SCNN1G: variants seen among roughly 807,000 people sequenced by gnomAD.
SCNN1G encodes epithelial sodium channel subunit gamma.
A neutral mutation model predicts 64.6 loss-of-function variants in SCNN1G; 27 were observed. The observed-to-expected ratio is 0.42, with a 90% confidence interval of 0.31 to 0.58. The LOEUF (loss-of-function observed/expected upper bound fraction) is 0.58. SCNN1G is among the 20% of genes least tolerant of loss of function. SCNN1G has a pLI of 0.18. For synonymous variants in SCNN1G, 330 were observed against 314.2 expected (o/e 1.05, Z -0.53); for missense variants, 743 against 823.4 (o/e 0.90, Z 1.19).
intron 6 of SCNN1G, among the ~76,000 whole-genome samples, chr16:23,204,589 TA>T (rs1476365163): frequency 2.0e-5 from 3 of 150,154 alleles, no homozygotes; most frequent in Non-Finnish European, 4.4e-5. Flanking sequence ...TATACATACA[TA>T]AAGGATAATG....
In SCNN1G at chr16:23,189,380, C is replaced by A. The variant is rs760847890; in HGVS notation, c.327C>A (p.Thr109=). 2.5e-6 allele frequency: 4 copies of A among 1,613,450 alleles called. No homozygotes were observed. Among genetic ancestry groups the A allele is most frequent in the East Asian group, 2.2e-5 (1 of 44,878 alleles). ...ICNINPYKYS[T]VRHLLADLEQ... is the part of the protein sequence containing the mutation. Reference sequence around the variant, plus strand: ...CTCCCCACCTTGGCAGGTACAGCACCGTTCGCCACCTTCTAGCTGACTTGG... The same window carrying A: ...CTCCCCACCTTGGCAGGTACAGCACAGTTCGCCACCTTCTAGCTGACTTGG... Residue 109 remains threonine, a synonymous_variant, in exon 3 of 13, where the codon ACC becomes ACA. Coordinates refer to ENST00000300061, the MANE Select transcript of SCNN1G (RefSeq NM_001039.4).
chr16:23,188,402 C>T (rs1959649062), intron 2 of SCNN1G, among the ~76,000 whole-genome samples: 1 of 151,946 alleles, frequency 6.6e-6, no homozygotes, highest in African/African-American at 2.4e-5. Flanking sequence ...GTCCCAGCAA[C>T]TTAGGAGGCT....
Position 23,214,787 on chromosome 16 carries a change from T to C in SCNN1G, c.1569T>C (p.Ser523=), listed in dbSNP as rs566254051. 6.2e-7 allele frequency: 1 copy of C among 1,611,542 alleles called. No individual in the cohort carries two copies. Among genetic ancestry groups the C allele is most frequent in the East Asian group, 2.2e-5 (1 of 44,868 alleles). ...QRSIMESPAN[S]IEMLLSNFGG... Reference sequence around the variant, plus strand: ...CCATCATGGAGAGCCCAGCCAACAGTGTGAGTAGAGTGGCTTCCTTCCAGG... The same window carrying C: ...CCATCATGGAGAGCCCAGCCAACAGCGTGAGTAGAGTGGCTTCCTTCCAGG... Residue 523 remains serine (S), a splice_region_variant and synonymous_variant, in exon 12 of 13, where the codon AGT becomes AGC. Coordinates refer to ENST00000300061, the MANE Select transcript of SCNN1G (RefSeq NM_001039.4).
At chr16:23,197,801 A>G (rs1423621386) in intron 6 of SCNN1G, among the ~76,000 whole-genome samples, 1 of 151,608 alleles carries the variant, frequency 6.6e-6, no homozygotes, top group African/African-American at 2.4e-5. Context: ...AATAGCTTGA[A>G]CCCAGGAGGA....
At chr16:23,184,960 A>C (rs1180361338) in intron 1 of SCNN1G, among the ~76,000 whole-genome samples, 2 of 152,134 alleles carry the variant, frequency 1.3e-5, no homozygotes, top group African/African-American at 4.8e-5. Context: ...AAGTCTTGGG[A>C]AGTGGTCATG....
rs1317048237 is a variant in SCNN1G at position 23,192,505 on chromosome 16, G to A, written c.772G>A (p.Val258Met). ...NMSYSAEELL[V>M]TCFFDGVSCD... ...GAGCTATTCTGCTGAGGAGCTGCTG[G>A]TGACCTGCTTCTTTGATGGAGTGTC... is the stretch of plus-strand genomic sequence containing the variant. The change falls in exon 4 of 13, where the codon GTG (valine) becomes ATG (methionine). Residue 258 changes from valine (V) to methionine (M), a missense_variant. Transcript: ENST00000300061. 3.7e-6 allele frequency: 6 copies of A among 1,612,644 alleles called. No homozygotes were observed. The highest frequency in any genetic ancestry group is 5.1e-6 in the Non-Finnish European group (6 of 1,180,010).
chr16:23,198,422 A>T (rs1959832154), intron 6 of SCNN1G, among the ~76,000 whole-genome samples: 1 of 151,988 alleles, frequency 6.6e-6, no homozygotes, highest in Non-Finnish European at 1.5e-5. Flanking sequence ...TCTCTCTTTC[A>T]TAGAATGACT....
At chr16:23,194,351 G>A in intron 5 of SCNN1G, 77 bp downstream of exon 5, 1 of 997,882 alleles carries the variant, frequency 1.0e-6, no homozygotes, top group Non-Finnish European at 1.6e-6. Context: ...TGGGGATGCG[G>A]GAGCCCTCTG....
chr16:23,209,957 C>G (rs990672781), intron 7 of SCNN1G, 109 bp downstream of exon 7: 1 of 783,848 alleles, frequency 1.3e-6, no homozygotes, highest in African/African-American at 1.7e-5. Context: ...GGTGAGGATC[C>G]CTGGGGTTCA....
At chr16:23,194,347 T>C (rs1959761908) in intron 5 of SCNN1G, 73 bp downstream of exon 5, 1 of 1,041,578 alleles carries the variant, frequency 9.6e-7, no homozygotes, top group Non-Finnish European at 1.5e-6. Flanking sequence ...ACAGTGGGGA[T>C]GCGGGAGCCC....
rs1289797173 is a variant in SCNN1G at position 23,186,288 on chromosome 16, A to C, written c.17A>C (p.Lys6Thr). The change falls in exon 2 of 13, where the codon AAG becomes ACG. Residue 6 changes from lysine to threonine, a missense_variant. Coordinates refer to ENST00000300061, the MANE Select transcript of SCNN1G (RefSeq NM_001039.4). MAPGEKIKAKIKKNLP... is the reference protein window; with the variant it reads MAPGETIKAKIKKNLP... ...ATCCTCGCCATGGCACCCGGAGAGAAGATCAAAGCCAAAATCAAGAAGAAT... is the reference window on the plus strand; with the variant it reads ...ATCCTCGCCATGGCACCCGGAGAGACGATCAAAGCCAAAATCAAGAAGAAT... 5 of 1,614,078 alleles carry C rather than the reference A, an allele frequency of 3.1e-6. No individual in the cohort carries two copies. The highest frequency in any genetic ancestry group is 1.3e-5 in the African/African-American group (1 of 74,924).
At chr16:23,200,736 A>G (rs774962388) in intron 6 of SCNN1G, among the ~76,000 whole-genome samples, 3 of 152,236 alleles carry the variant, frequency 2.0e-5, no homozygotes, top group African/African-American at 7.2e-5. Flanking sequence ...ATGAGTGCAT[A>G]TTATGACACG....
chr16:23,185,633 A>G (rs1290147473), intron 1 of SCNN1G, among the ~76,000 whole-genome samples: 1 of 152,228 alleles, frequency 6.6e-6, no homozygotes, highest in African/African-American at 2.4e-5. Flanking sequence ...GAAACAAAAG[A>G]GAAATCGTTT....
chr16:23,212,274 C>T, intron 8 of SCNN1G, 123 bp downstream of exon 8: 1 of 743,598 alleles, frequency 1.3e-6, no homozygotes, highest in Middle Eastern at 3.5e-4. Flanking sequence ...TGGTTGAGAG[C>T]CATTAACTAG....
chr16:23,198,285 C>G lies in SCNN1G; in HGVS notation c.1077+858C>G, dbSNP rs565252827. Among the ~76,000 whole-genome samples the G allele has an allele frequency of 2.0e-5, 3 of 152,284 alleles. No individual in the cohort carries two copies. The East Asian group carries it at 5.8e-4, about 29-fold the overall frequency. On this transcript the variant is annotated intron_variant, in intron 6 of 12. Coordinates refer to ENST00000300061, the MANE Select transcript of SCNN1G (RefSeq NM_001039.4). ...GACTCCAATCCCCGAGTCAGCCTTGCCCAATGGGAGCTGAATGGCAAGATG... is the reference window on the plus strand; with the variant it reads ...GACTCCAATCCCCGAGTCAGCCTTGGCCAATGGGAGCTGAATGGCAAGATG...
chr16:23,188,501 G>C (rs1959650810), intron 2 of SCNN1G, among the ~76,000 whole-genome samples: 1 of 152,156 alleles, frequency 6.6e-6, no homozygotes, highest in Non-Finnish European at 1.5e-5. Flanking sequence ...AACAGAGTGA[G>C]ACCCTGTCTC....
chr16:23,187,495 C>A (rs761846682), intron 2 of SCNN1G, among the ~76,000 whole-genome samples: 1 of 152,130 alleles, frequency 6.6e-6, no homozygotes, highest in East Asian at 1.9e-4. Context: ...AGGCCTGGAA[C>A]GAACTAACCC....
chr16:23,190,824 T>C (rs1486800381), intron 3 of SCNN1G, among the ~76,000 whole-genome samples: 1 of 147,636 alleles, frequency 6.8e-6, no homozygotes, highest in East Asian at 2.0e-4. Context: ...TGGTCCCATT[T>C]GAGGGGATTT....
intron 6 of SCNN1G, among the ~76,000 whole-genome samples, chr16:23,207,694 T>G (rs1320748897): frequency 6.6e-6 from 1 of 152,170 alleles, no homozygotes; most frequent in Non-Finnish European, 1.5e-5. Context: ...ACAGCCACTT[T>G]CCCCTTTGTT....
Sources: allele counts gnomAD v4.1 joint callset (sites outside exome capture counted in the v4.1 genomes callset), GRCh38; gene constraint gnomAD v4.1.1; transcripts MANE v1.5; gene names NCBI Gene and HGNC (gene_info 2026-07-23, HGNC 2026-07-21).